Variants in ANXA13 observed in about 807,000 individuals in gnomAD.
ANXA13 encodes the protein annexin XIII.
In ANXA13, 36 loss-of-function variants were observed where a neutral mutation model predicts 46.6. That is an observed-to-expected ratio of 0.77 (90% CI 0.59 to 1.02). The LOEUF (loss-of-function observed/expected upper bound fraction) is 1.02, where lower values mean the gene tolerates loss of function less well. Among genes scored for constraint, ANXA13 ranks in the 50% least tolerant of loss-of-function variants. ANXA13 has a pLI of 0.00. For synonymous variants in ANXA13, 163 were observed against 152.9 expected (o/e 1.07, Z -0.49); for missense variants, 417 against 396.5 (o/e 1.05, Z -0.44).
chr8:123,710,609 C>G (rs1813639113), intron 2 of ANXA13, among the ~76,000 whole-genome samples: 1 of 152,120 alleles, frequency 6.6e-6, no homozygotes, highest in African/African-American at 2.4e-5. Context: ...CTGTCCCCAC[C>G]CCCTCCAGGA....
intron 1 of ANXA13, among the ~76,000 whole-genome samples, chr8:123,732,673 T>G (rs1357866096): frequency 7.3e-5 from 10 of 136,590 alleles, no homozygotes; most frequent in Non-Finnish European, 1.4e-4. Context: ...GGCTGGTTTG[T>G]TTTTTTTTTT....
Position 123,695,598 on chromosome 8 carries a change from C to G in ANXA13, c.392-17G>C, listed in dbSNP as rs560411542. ...TATCAAATACTTCGAAGGAAGTAAA[C>G]AAGGAGGGAAGAAAGCAGATGATTT... On this transcript the variant is annotated splice_polypyrimidine_tract_variant and intron_variant, in intron 5 of 10. Coordinates refer to ENST00000419625, the MANE Select transcript of ANXA13 (RefSeq NM_004306.4). 7 of 1,611,672 alleles carry G rather than the reference C, an allele frequency of 4.3e-6. No homozygotes were observed. The highest frequency in any genetic ancestry group is 5.9e-6 in the Non-Finnish European group (7 of 1,178,098).
At chr8:123,700,239 A>G (rs909441581) in intron 3 of ANXA13, among the ~76,000 whole-genome samples, 2 of 59,244 alleles carry the variant, frequency 3.4e-5, no homozygotes, top group South Asian at 7.0e-4. Flanking sequence ...TTTTCAGGCC[A>G]GATGGGCATT....
chr8:123,689,615 T>C (rs1003252956), intron 8 of ANXA13, among the ~76,000 whole-genome samples: 5 of 152,194 alleles, frequency 3.3e-5, no homozygotes, highest in African/African-American at 1.2e-4. Context: ...CTGGCTCACA[T>C]ATTGCTCTGC....
At chr8:123,702,787 G>A in intron 2 of ANXA13, 51 bp from the exon 3 acceptor site, 1 of 1,546,880 alleles carries the variant, frequency 6.5e-7, no homozygotes. Flanking sequence ...AAACAAGGTG[G>A]AAGTTTATTT....
intron 1 of ANXA13, chr8:123,728,779 G>A (rs540750414): frequency 3.6e-4 from 55 of 152,230 alleles, no homozygotes; most frequent in African/African-American, 1.1e-3. Flanking sequence ...TCCCTTGGTA[G>A]AAGAGTTTAT....
chr8:123,733,946 T>C (rs1342204971), intron 1 of ANXA13, among the ~76,000 whole-genome samples: 1 of 152,196 alleles, frequency 6.6e-6, no homozygotes, highest in Admixed American at 6.5e-5. Context: ...TGAAAATCAC[T>C]TGAAGAGTCT....
rs142709635 is a variant in ANXA13, at chr8:123,720,375, A to T, written c.16-7622T>A. ...GGGTGTGCTGGAGAGAGCCTCAGAC[A>T]CACCTGATTCTCCTCGGTTTAGGCT... On this transcript the variant is annotated intron_variant, in intron 1 of 10. Transcript: ENST00000419625. 3.9e-3 allele frequency among the ~76,000 whole-genome samples: 601 copies of T among 152,268 alleles called. 5 individuals are homozygous for T. Among genetic ancestry groups the T allele is most frequent in the Non-Finnish European group, 7.4e-3 (505 of 68,016 alleles).
intron 3 of ANXA13, 42 bp downstream of exon 3, chr8:123,702,600 G>T: frequency 6.6e-7 from 1 of 1,523,226 alleles, no homozygotes; most frequent in Non-Finnish European, 9.1e-7. Context: ...GACGGCTGAG[G>T]CCATGGCTGG....
intron 2 of ANXA13, among the ~76,000 whole-genome samples, chr8:123,704,147 T>C (rs1299308703): frequency 6.6e-6 from 1 of 152,108 alleles, no homozygotes; most frequent in Non-Finnish European, 1.5e-5. Flanking sequence ...GGGATGTAAA[T>C]GACCACGCGC....
At position 123,695,559 on chromosome 8, in the gene ANXA13, T is replaced by C; in HGVS notation, c.414A>G (p.Ser138=). ...YQRLFDRSLE[S]DVKGDTSGNL... ...TTCCACTTGTATCACCTTTGACATC[T>C]GATTCGAGGCTCCTATCAAATACTT... The change falls in exon 6 of 11, where the codon TCA becomes TCG. Residue 138 remains serine, a synonymous_variant. Coordinates refer to ENST00000419625, the MANE Select transcript of ANXA13 (RefSeq NM_004306.4). The C allele has an allele frequency of 6.2e-7, 1 of 1,614,074 alleles. No homozygotes were observed. Among genetic ancestry groups the C allele is most frequent in the Non-Finnish European group, 8.5e-7 (1 of 1,179,986 alleles).
At chr8:123,688,086 G>T (rs1351321474) in intron 9 of ANXA13, among the ~76,000 whole-genome samples, 1 of 152,214 alleles carries the variant, frequency 6.6e-6, no homozygotes, top group African/African-American at 2.4e-5. Context: ...GGGACCCATG[G>T]TGTTAGTGGG....
chr8:123,703,672 A>G (rs577373206), intron 2 of ANXA13, among the ~76,000 whole-genome samples: 1 of 152,332 alleles, frequency 6.6e-6, no homozygotes, highest in East Asian at 1.9e-4. Context: ...GTCTTGATTG[A>G]AACCATGAAG....
intron 1 of ANXA13, among the ~76,000 whole-genome samples, chr8:123,721,196 A>G (rs983775332): frequency 6.6e-6 from 1 of 152,140 alleles, no homozygotes; most frequent in Non-Finnish European, 1.5e-5. Flanking sequence ...AAATGGCAGA[A>G]TTTCCTTCTT....
chr8:123,716,517 C>G (rs1813761792), intron 1 of ANXA13, among the ~76,000 whole-genome samples: 1 of 152,120 alleles, frequency 6.6e-6, no homozygotes. Context: ...GAAGATAATT[C>G]AGGCTTGTTC....
At chr8:123,714,427 T>C (rs2129903190) in intron 1 of ANXA13, among the ~76,000 whole-genome samples, 1 of 152,314 alleles carries the variant, frequency 6.6e-6, no homozygotes, top group South Asian at 2.1e-4. Flanking sequence ...AGTCTAGGGC[T>C]CTTAGTGCCC....
intron 1 of ANXA13, among the ~76,000 whole-genome samples, chr8:123,724,949 A>C (rs1057237662): frequency 1.3e-5 from 2 of 152,234 alleles, no homozygotes; most frequent in Non-Finnish European, 2.9e-5. Flanking sequence ...ACCTACTTGC[A>C]CCAGAGGTTC....
chr8:123,696,174 C>A (rs527955914), intron 4 of ANXA13, among the ~76,000 whole-genome samples: 1 of 152,112 alleles, frequency 6.6e-6, no homozygotes, highest in African/African-American at 2.4e-5. Context: ...ATGTGTTTAG[C>A]AGGTGGAATA....
intron 1 of ANXA13, chr8:123,735,621 T>G (rs1389637346): frequency 1.7e-6 from 2 of 1,159,718 alleles, no homozygotes; most frequent in Non-Finnish European, 2.3e-6. Flanking sequence ...AAGATTTCCC[T>G]GCTTGGAAGT....
Sources: gnomAD v4.1 joint callset for allele counts (sites outside exome capture counted in the v4.1 genomes callset) on GRCh38, gnomAD v4.1.1 for gene constraint, MANE v1.5 for transcripts, NCBI Gene and HGNC (gene_info 2026-07-23, HGNC 2026-07-21) for gene names.